Variants in ASAP1 observed in about 807,000 individuals in gnomAD.
The protein encoded by ASAP1 is arf-GAP with SH3 domain, ANK repeat and PH domain-containing protein 1.
ASAP1 carries 43 observed loss-of-function variants against 145.2 expected under a neutral mutation model. The ratio of observed to expected loss-of-function variants is 0.30; its 90% CI spans 0.23 to 0.38. The LOEUF (loss-of-function observed/expected upper bound fraction) is 0.38, where lower values mean the gene tolerates loss of function less well. Ranked by LOEUF, ASAP1 falls within the 10% of genes least tolerant of loss-of-function variation. The probability of loss-of-function intolerance (pLI) is 1.00; values close to 1 mark genes in which losing one functional copy is unlikely to be tolerated. For synonymous variants in ASAP1, 546 were observed against 515.5 expected (o/e 1.06, Z -0.80); for missense variants, 1,018 against 1,355.3 (o/e 0.75, Z 3.91).
At chr8:130,362,737 T>C (rs1351015457) in intron 2 of ASAP1, among the ~76,000 whole-genome samples, 1 of 152,222 alleles carries the variant, frequency 6.6e-6, no homozygotes, top group Admixed American at 6.5e-5. Context: ...CAAAGTATCC[T>C]TTGTTAGGTC....
chr8:130,272,342 C>A (rs150073020), intron 3 of ASAP1, among the ~76,000 whole-genome samples: 1 of 152,206 alleles, frequency 6.6e-6, no homozygotes, highest in African/African-American at 2.4e-5. Flanking sequence ...ACAAACAAAA[C>A]CCCTATGTTG....
intron 2 of ASAP1, among the ~76,000 whole-genome samples, chr8:130,375,618 A>G (rs1185976202): frequency 6.6e-6 from 1 of 152,136 alleles, no homozygotes; most frequent in East Asian, 1.9e-4. Flanking sequence ...GTTAATAGAA[A>G]GTTTAGGCAA....
At chr8:130,208,514 G>A (rs1380195249) in intron 5 of ASAP1, 2 of 151,562 alleles carry the variant, frequency 1.3e-5, no homozygotes, top group Non-Finnish European at 2.9e-5. Flanking sequence ...AGATGGCAAG[G>A]TTATCTTATT....
chr8:130,221,785 A>C (rs1817308110), intron 4 of ASAP1, among the ~76,000 whole-genome samples: 2 of 152,220 alleles, frequency 1.3e-5, no homozygotes, highest in Admixed American at 1.3e-4. Flanking sequence ...GGACAGGCCT[A>C]GGTTCAAATC....
rs773061490 is a variant in ASAP1, at chr8:130,192,041, A to T, written c.406-3858T>A. Among the ~76,000 whole-genome samples, 8 of 152,154 alleles carry T rather than the reference A, an allele frequency of 5.3e-5. No homozygotes were observed. The East Asian group carries it at 1.6e-3, about 30-fold the overall frequency. ...AGGGCTTCTCTGGTGACACACATCT[A>T]AGAAACAATCACTTCTTTCTTATTT... is the stretch of plus-strand genomic sequence containing the variant. On this transcript the variant is annotated intron_variant, in intron 5 of 29. Transcript: ENST00000518721.
intron 27 of ASAP1, among the ~76,000 whole-genome samples, chr8:130,072,639 C>G (rs1158509847): frequency 6.6e-6 from 1 of 151,828 alleles, no homozygotes; most frequent in Non-Finnish European, 1.5e-5. Context: ...TATCTGTATC[C>G]TTTGCAGTAT....
rs1254586027 is a variant in ASAP1 at position 130,116,664 on chromosome 8, C to T, written c.2064+14G>A. ...CCAATGTCTAATAAATCTCCCACGT[C>T]CATTTTTGCTTACCAGATCTTCACA... is the stretch of plus-strand genomic sequence containing the variant. On this transcript the variant is annotated intron_variant, in intron 22 of 29. Coordinates refer to ENST00000518721, the MANE Select transcript of ASAP1 (RefSeq NM_018482.4). The T allele has an allele frequency of 1.9e-6, 3 of 1,611,930 alleles. No homozygotes were observed. In the East Asian group the frequency reaches 6.7e-5, roughly 36 times the overall value.
rs149226885 is a variant in ASAP1, at chr8:130,428,939, A to G, written c.-28+14521T>C. Among the ~76,000 whole-genome samples the G allele has an allele frequency of 4.1e-3, 626 of 152,330 alleles. 4 individuals carry two copies. Among genetic ancestry groups the G allele is most frequent in the African/African-American group, 9.7e-3 (404 of 41,580 alleles). On this transcript the variant is annotated intron_variant, in intron 1 of 29. Coordinates refer to ENST00000518721, the MANE Select transcript of ASAP1 (RefSeq NM_018482.4). ...GCTAGAATTCCAAAATCAATATATC[A>G]GCAGGGCCACACCCTCTCCGGTTCT...
intron 3 of ASAP1, among the ~76,000 whole-genome samples, chr8:130,274,555 C>A (rs540143253): frequency 8.5e-5 from 13 of 152,332 alleles, no homozygotes; most frequent in African/African-American, 2.9e-4. Context: ...CCCCGCCACA[C>A]AATATCAACT....
chr8:130,168,455 G>T (rs372828103), intron 10 of ASAP1, among the ~76,000 whole-genome samples: 1 of 152,092 alleles, frequency 6.6e-6, no homozygotes, highest in African/African-American at 2.4e-5. Context: ...GACTAGTCTG[G>T]GCAACACAGT....
intron 3 of ASAP1, among the ~76,000 whole-genome samples, chr8:130,346,028 G>T (rs921706188): frequency 1.3e-5 from 2 of 152,334 alleles, no homozygotes; most frequent in South Asian, 4.1e-4. Context: ...GCCCAGAGAG[G>T]TAGACTTAAC....
intron 1 of ASAP1, among the ~76,000 whole-genome samples, chr8:130,424,336 C>T (rs369005040): frequency 3.9e-5 from 6 of 152,200 alleles, no homozygotes; most frequent in East Asian, 3.9e-4. Context: ...ATTGGTCTGA[C>T]GGCCTAGCCC....
intron 1 of ASAP1, among the ~76,000 whole-genome samples, chr8:130,432,417 A>C (rs1830170029): frequency 6.6e-6 from 1 of 152,156 alleles, no homozygotes; most frequent in African/African-American, 2.4e-5. Flanking sequence ...TTTGGAAGAG[A>C]ATTCAAACAG....
At chr8:130,137,322 G>A (rs992342251) in intron 13 of ASAP1, among the ~76,000 whole-genome samples, 2 of 152,116 alleles carry the variant, frequency 1.3e-5, no homozygotes, top group Admixed American at 6.5e-5. Context: ...AAAAAATTAG[G>A]TGTCCTACTA....
At chr8:130,261,234 C>G (rs910945989) in intron 3 of ASAP1, among the ~76,000 whole-genome samples, 30 of 152,208 alleles carry the variant, frequency 2.0e-4, no homozygotes, top group African/African-American at 7.2e-4. Flanking sequence ...TATGTGTACA[C>G]ATGACATCAT....
intron 1 of ASAP1, among the ~76,000 whole-genome samples, chr8:130,427,570 AG>A (rs1262255833): frequency 6.6e-6 from 1 of 152,172 alleles, no homozygotes; most frequent in Admixed American, 6.5e-5. Flanking sequence ...TGGCAGCGCA[AG>A]TGGAAAGGAG....
chr8:130,194,349 A>T (rs547297900), intron 5 of ASAP1, among the ~76,000 whole-genome samples: 54 of 152,088 alleles, frequency 3.6e-4, no homozygotes, highest in Non-Finnish European at 7.1e-4. Context: ...TCTCAAGAGG[A>T]GGAAATTTTA....
At chr8:130,211,751 T>G (rs1816595950) in intron 5 of ASAP1, among the ~76,000 whole-genome samples, 1 of 147,768 alleles carries the variant, frequency 6.8e-6, no homozygotes, top group Admixed American at 6.9e-5. Context: ...GCATAGACCT[T>G]CGAACATAAT....
chr8:130,214,927 G>A (rs1816804670), intron 4 of ASAP1, among the ~76,000 whole-genome samples: 1 of 151,664 alleles, frequency 6.6e-6, no homozygotes, highest in African/African-American at 2.4e-5. Context: ...TTGAGACAGA[G>A]TCTCACTCTG....
Sources: gnomAD v4.1 joint callset for allele counts (sites outside exome capture counted in the v4.1 genomes callset) on GRCh38, gnomAD v4.1.1 for gene constraint, MANE v1.5 for transcripts, NCBI Gene and HGNC (gene_info 2026-07-23, HGNC 2026-07-21) for gene names.